C8orf34: variants seen among roughly 807,000 people sequenced by gnomAD.
The protein encoded by C8orf34 is chromosome 8 open reading frame 34.
A neutral mutation model predicts 68.3 loss-of-function variants in C8orf34; 65 were observed. The ratio of observed to expected loss-of-function variants is 0.95; its 90% CI spans 0.78 to 1.17. The LOEUF (loss-of-function observed/expected upper bound fraction) is 1.17. Ranked by LOEUF, C8orf34 falls within the 50% of genes most tolerant of loss-of-function variation. The pLI, the probability that C8orf34 is intolerant of heterozygous loss-of-function variation, is 0.00. For missense variants in C8orf34, 664 were observed against 655.4 expected (o/e 1.01, Z -0.14); for synonymous variants, 244 against 241.2 (o/e 1.01, Z -0.11).
chr8:68,357,115 C>T (rs1315932195), intron 1 of C8orf34, among the ~76,000 whole-genome samples: 3 of 151,430 alleles, frequency 2.0e-5, no homozygotes, highest in African/African-American at 7.3e-5. Flanking sequence ...TATTTTTTTC[C>T]TGTTATATGT....
At chr8:68,665,858 G>A (rs1037823402) in intron 8 of C8orf34, among the ~76,000 whole-genome samples, 57 of 152,092 alleles carry the variant, frequency 3.7e-4, no homozygotes, top group East Asian at 1.9e-4. Flanking sequence ...GGATCTCCCC[G>A]CTGCTAGAAT....
At position 68,756,091 on chromosome 8, in the gene C8orf34, A is replaced by AAC. The variant is rs201834960; in HGVS notation, c.1405-20307_1405-20306insCA. On this transcript the variant is annotated intron_variant, in intron 10 of 13. Transcript: ENST00000518698. Reference sequence around the variant, plus strand: ...AAAAAAAACAAACAAAAAAACAAAAAAAAAAACCAGAGTGACTCCCAAATG... The same window carrying AAC: ...AAAAAAAACAAACAAAAAAACAAAAAACAAAAAACCAGAGTGACTCCCAAATG... Among the ~76,000 whole-genome samples, 544 of 139,696 alleles carry AAC rather than the reference A, an allele frequency of 3.9e-3. 3 individuals are homozygous for AAC. The highest frequency in any genetic ancestry group is 0.016 in the African/African-American group (504 of 32,292). 91.6% of individuals were successfully genotyped at this position (139,696 alleles called of 152,430 possible). A position where few individuals can be genotyped will look rare whatever the true frequency, so the allele number is the denominator to read the frequency against.
intron 7 of C8orf34, among the ~76,000 whole-genome samples, chr8:68,553,878 T>C (rs1201852068): frequency 1.3e-3 from 3 of 2,344 alleles, no homozygotes; most frequent in African/African-American, 6.1e-3. Context: ...ACAACAAAAG[T>C]TTTATGAAAA....
intron 6 of C8orf34, chr8:68,525,512 C>T (rs896542338): frequency 9.2e-6 from 7 of 762,964 alleles, no homozygotes; most frequent in Admixed American, 2.0e-5. Context: ...GTATGTATTA[C>T]ATCCCTAGAA....
intron 9 of C8orf34, among the ~76,000 whole-genome samples, chr8:68,712,977 C>T (rs572040894): frequency 6.6e-6 from 1 of 152,130 alleles, no homozygotes; most frequent in African/African-American, 2.4e-5. Flanking sequence ...AGTACTCTCT[C>T]AGACCACACT....
chr8:68,585,198 T>C (rs1057021674), intron 7 of C8orf34, among the ~76,000 whole-genome samples: 5 of 152,132 alleles, frequency 3.3e-5, no homozygotes, highest in Non-Finnish European at 7.4e-5. Context: ...GTTAAAAAAT[T>C]AGAAGTATGG....
intron 4 of C8orf34, among the ~76,000 whole-genome samples, chr8:68,471,085 G>A (rs962216046): frequency 1.3e-5 from 2 of 151,974 alleles, no homozygotes; most frequent in Admixed American, 1.3e-4. Flanking sequence ...ATAAAATAAG[G>A]GCCAGAAAAG....
Position 68,330,996 on chromosome 8 carries a change from G to A in C8orf34, c.-17G>A. The A allele has an allele frequency of 7.2e-7, 1 of 1,389,560 alleles. No individual in the cohort carries two copies. Among genetic ancestry groups the A allele is most frequent in the Non-Finnish European group, 9.2e-7 (1 of 1,082,130 alleles). 86.1% of individuals were successfully genotyped at this position (1,389,560 alleles called of 1,614,324 possible). A position where few individuals can be genotyped will look rare whatever the true frequency, so the allele number is the denominator to read the frequency against. On this transcript the variant is annotated 5_prime_UTR_variant, in exon 1 of 14. Coordinates refer to ENST00000518698, the MANE Select transcript of C8orf34 (RefSeq NM_052958.4). ...CGGAGAGCGGCGAGGGTGGGCGCGA[G>A]GCGGAGAACGCGATGAATGAGTTCT...
intron 5 of C8orf34, among the ~76,000 whole-genome samples, chr8:68,521,299 C>T (rs558903980): frequency 6.6e-6 from 1 of 152,146 alleles, no homozygotes. Flanking sequence ...ACATATCTGC[C>T]ATTGATAGTG....
At chr8:68,678,784 G>T (rs1820271675) in intron 8 of C8orf34, among the ~76,000 whole-genome samples, 1 of 145,920 alleles carries the variant, frequency 6.9e-6, no homozygotes, top group African/African-American at 2.5e-5. Flanking sequence ...ATCTGAATTG[G>T]AAAGGAAAAA....
At chr8:68,353,486 T>C (rs1287302228) in intron 1 of C8orf34, among the ~76,000 whole-genome samples, 1 of 151,032 alleles carries the variant, frequency 6.6e-6, no homozygotes, top group Non-Finnish European at 1.5e-5. Context: ...AAGTTATGGA[T>C]GTGTGGATGT....
At chr8:68,440,381 C>A (rs1246412883) in intron 2 of C8orf34, among the ~76,000 whole-genome samples, 2 of 152,146 alleles carry the variant, frequency 1.3e-5, no homozygotes, top group Non-Finnish European at 2.9e-5. Context: ...CCTCTTCATG[C>A]TTTATGGGAT....
At chr8:68,698,041 A>G (rs902758985) in intron 8 of C8orf34, among the ~76,000 whole-genome samples, 2 of 151,804 alleles carry the variant, frequency 1.3e-5, no homozygotes, top group African/African-American at 4.8e-5. Flanking sequence ...GAGTTCCTTT[A>G]TTTACTCTTC....
At chr8:68,514,714 T>C (rs1814429702) in intron 5 of C8orf34, among the ~76,000 whole-genome samples, 1 of 152,226 alleles carries the variant, frequency 6.6e-6, no homozygotes, top group African/African-American at 2.4e-5. Flanking sequence ...TTTTCTAGCC[T>C]ATAGGACATG....
chr8:68,767,617 C>CCATTCATTCATTCATTCATGCATG (rs1823218442), intron 10 of C8orf34, among the ~76,000 whole-genome samples: 1 of 152,144 alleles, frequency 6.6e-6, no homozygotes, highest in Non-Finnish European at 1.5e-5. Context: ...TTTGGTATGA[C>CCATTCATTCATTCATTCATGCATG]CATTCATTCA....
chr8:68,635,250 A>G (rs1818801901), intron 7 of C8orf34, among the ~76,000 whole-genome samples: 1 of 152,152 alleles, frequency 6.6e-6, no homozygotes, highest in African/African-American at 2.4e-5. Flanking sequence ...ACTCCATACC[A>G]GGATTCTGTG....
At chr8:68,701,990 T>G (rs1821031744) in intron 8 of C8orf34, among the ~76,000 whole-genome samples, 2 of 152,044 alleles carry the variant, frequency 1.3e-5, no homozygotes, top group African/African-American at 2.4e-5. Flanking sequence ...ACTATGAAGT[T>G]GTACACTGCC....
rs541747056 is a variant in C8orf34 at position 68,533,008 on chromosome 8, G to T, written c.964G>T (p.Gly322Ter). The change falls in exon 7 of 14, where the codon GGA becomes TGA. Residue 322 changes from glycine to a stop codon, truncating the protein, a stop_gained. Coordinates refer to ENST00000518698, the MANE Select transcript of C8orf34 (RefSeq NM_052958.4). LOFTEE classifies it high-confidence loss of function. ...GSLKMEPKNK[G>*]LKQQQQQHKK... ...CTTAAAGATGGAGCCTAAGAACAAAGGATTAAAACAGCAGCAACAGCAACA... is the reference window on the plus strand; with the variant it reads ...CTTAAAGATGGAGCCTAAGAACAAATGATTAAAACAGCAGCAACAGCAACA... The T allele has an allele frequency of 6.2e-7, 1 of 1,604,046 alleles. No homozygotes were observed. The highest frequency in any genetic ancestry group is 1.3e-5 in the African/African-American group (1 of 74,616).
At chr8:68,489,357 G>A (rs921150290) in intron 5 of C8orf34, among the ~76,000 whole-genome samples, 1 of 152,086 alleles carries the variant, frequency 6.6e-6, no homozygotes, top group Non-Finnish European at 1.5e-5. Flanking sequence ...ATGATAGAAA[G>A]TATTGTACAG....
Sources: allele counts gnomAD v4.1 joint callset (sites outside exome capture counted in the v4.1 genomes callset), GRCh38; gene constraint gnomAD v4.1.1; transcripts MANE v1.5; gene names NCBI Gene and HGNC (gene_info 2026-07-23, HGNC 2026-07-21).